The following UBXN7 variants were observed in gnomAD, a reference collection of about 807,000 sequenced individuals.
UBXN7 encodes UBX domain-containing protein 7.
Under a neutral mutation model 58.0 loss-of-function variants are expected in UBXN7, and 9 were observed. The observed-to-expected ratio is 0.16, with a 90% confidence interval of 0.09 to 0.27. UBXN7 has a LOEUF of 0.27. Ranked by LOEUF, UBXN7 falls within the 10% of genes least tolerant of loss-of-function variation. The probability of loss-of-function intolerance (pLI) is 1.00; values close to 1 mark genes in which losing one functional copy is unlikely to be tolerated. For synonymous variants in UBXN7, 208 were observed against 205.0 expected, an observed-to-expected ratio of 1.01 and a Z score of -0.12; for missense variants, 328 against 599.6, an observed-to-expected ratio of 0.55 and a Z score of 4.73.
chr3:196,406,323 A>C (rs1730159069), intron 2 of UBXN7, among the ~76,000 whole-genome samples: 1 of 151,646 alleles, frequency 6.6e-6, no homozygotes. Context: ...ATGAGCCACC[A>C]TGCCTGGACT....
chr3:196,396,088 T>C (rs1427920371), intron 3 of UBXN7, among the ~76,000 whole-genome samples: 1 of 151,998 alleles, frequency 6.6e-6, no homozygotes, highest in African/African-American at 2.4e-5. Context: ...TTAATTTAAA[T>C]ATTGCACCCT....
At chr3:196,380,474 T>C (rs891275589) in intron 5 of UBXN7, among the ~76,000 whole-genome samples, 2 of 152,196 alleles carry the variant, frequency 1.3e-5, no homozygotes, top group Non-Finnish European at 2.9e-5. Flanking sequence ...TGGACTTCCA[T>C]CTTGCTTAAG....
chr3:196,431,737 T>C (rs1560249655), intron 1 of UBXN7: 1 of 448,388 alleles, frequency 2.2e-6, no homozygotes, highest in African/African-American at 2.0e-5. Context: ...ACCCCCCGCT[T>C]CTGGCGGCCT....
chr3:196,380,587 T>C (rs1729176609), intron 5 of UBXN7, among the ~76,000 whole-genome samples: 1 of 152,220 alleles, frequency 6.6e-6, no homozygotes, highest in South Asian at 2.1e-4. Context: ...GATTTCTGCA[T>C]TTCCAACTGA....
intron 5 of UBXN7, among the ~76,000 whole-genome samples, chr3:196,379,513 A>G (rs1171533895): frequency 1.3e-5 from 2 of 152,292 alleles, no homozygotes; most frequent in Admixed American, 1.3e-4. Flanking sequence ...GAGAACCCTT[A>G]ATCCTAAGGG....
intron 6 of UBXN7, 127 bp from the exon 7 acceptor site, chr3:196,369,638 C>T (rs1728764020): frequency 3.1e-6 from 2 of 637,572 alleles, no homozygotes; most frequent in Admixed American, 3.1e-5. Context: ...GATCTCACTC[C>T]TACACTAAAA....
Position 196,369,528 on chromosome 3 carries a change from A to AC in UBXN7, c.616-18_616-17insG. On this transcript the variant is annotated splice_polypyrimidine_tract_variant and intron_variant, in intron 6 of 10. Transcript: ENST00000296328. The stretch of plus-strand genomic sequence containing the variant: ...ATGATAAACCTGTTAAATCATTGAT[A>AC]TAAAAAAAAAAGTCAGCCTCTAAGA... 6.3e-7 allele frequency: 1 copy of AC among 1,579,250 alleles called. No individual in the cohort carries two copies. Among genetic ancestry groups the AC allele is most frequent in the African/African-American group, 1.4e-5 (1 of 72,968 alleles).
chr3:196,369,059 C>T (rs1178419608), intron 7 of UBXN7, among the ~76,000 whole-genome samples: 1 of 152,142 alleles, frequency 6.6e-6, no homozygotes, highest in Non-Finnish European at 1.5e-5. Flanking sequence ...CGCCTGACCT[C>T]ATGATCCGCC....
intron 5 of UBXN7, among the ~76,000 whole-genome samples, chr3:196,378,154 T>C (rs1467433642): frequency 6.6e-6 from 1 of 152,204 alleles, no homozygotes; most frequent in Non-Finnish European, 1.5e-5. Flanking sequence ...AACGCTACAA[T>C]GGCAAGGATT....
At chr3:196,418,304 C>T (rs926563001) in intron 1 of UBXN7, among the ~76,000 whole-genome samples, 1 of 123,836 alleles carries the variant, frequency 8.1e-6, no homozygotes, top group Non-Finnish European at 1.8e-5. Context: ...GAAGGAATGA[C>T]GGAATGACGG....
chr3:196,419,184 G>A (rs548870179), intron 1 of UBXN7, among the ~76,000 whole-genome samples: 1 of 152,224 alleles, frequency 6.6e-6, no homozygotes, highest in East Asian at 1.9e-4. Context: ...GGCCGAGGTG[G>A]AAGAATCACT....
At chr3:196,373,051 A>G (rs763829105) in intron 5 of UBXN7, among the ~76,000 whole-genome samples, 16 of 152,184 alleles carry the variant, frequency 1.1e-4, no homozygotes, top group Non-Finnish European at 1.6e-4. Flanking sequence ...GCGCCCAGCC[A>G]ATTATACTTC....
intron 2 of UBXN7, among the ~76,000 whole-genome samples, chr3:196,404,544 GA>G (rs1351944191): frequency 1.5e-5 from 2 of 137,148 alleles, no homozygotes; most frequent in African/African-American, 5.0e-5. Context: ...TTACAGGCGT[GA>G]GCCACCGCGC....
intron 8 of UBXN7, 112 bp downstream of exon 8, chr3:196,367,916 T>C (rs537490079): frequency 1.1e-3 from 1,486 of 1,414,016 alleles, no homozygotes; most frequent in Non-Finnish European, 1.3e-3. Context: ...GCCACAGTGA[T>C]AGTTGTCCAC....
At chr3:196,379,434 C>T (rs934005797) in intron 5 of UBXN7, among the ~76,000 whole-genome samples, 3 of 152,138 alleles carry the variant, frequency 2.0e-5, no homozygotes, top group African/African-American at 7.2e-5. Flanking sequence ...CTTATTTTAC[C>T]GAGCCCCTAT....
At chr3:196,432,205 G>A (rs1021748320) in intron 1 of UBXN7, 122 bp downstream of exon 1, 12 of 1,374,022 alleles carry the variant, frequency 8.7e-6, no homozygotes, top group South Asian at 7.4e-5. Flanking sequence ...TCCTCAGGAG[G>A]GAGGACGGCA....
intron 10 of UBXN7, 137 bp downstream of exon 10, chr3:196,361,707 T>A (rs964910243): frequency 2.9e-6 from 2 of 683,790 alleles, no homozygotes; most frequent in Non-Finnish European, 2.4e-6. Context: ...TGCTTTTTTT[T>A]AGACATAAAG....
intron 6 of UBXN7, among the ~76,000 whole-genome samples, chr3:196,370,496 G>GA (rs1188173585): frequency 6.6e-6 from 1 of 150,930 alleles, no homozygotes; most frequent in Non-Finnish European, 1.5e-5. Context: ...AAGAAAGAAA[G>GA]AAAAAAAGAT....
chr3:196,409,856 C>A (rs1730267846), intron 1 of UBXN7, among the ~76,000 whole-genome samples: 1 of 152,110 alleles, frequency 6.6e-6, no homozygotes, highest in South Asian at 2.1e-4. Flanking sequence ...TGGACAGATT[C>A]CACCAGACCT....
Sources: gnomAD v4.1 joint callset for allele counts (sites outside exome capture counted in the v4.1 genomes callset) on GRCh38, gnomAD v4.1.1 for gene constraint, MANE v1.5 for transcripts, NCBI Gene and HGNC (gene_info 2026-07-23, HGNC 2026-07-21) for gene names.